IP6K3: variants seen among roughly 807,000 people sequenced by gnomAD.
IP6K3 encodes the protein inositol hexakisphosphate kinase 3, also known as ATP:1D-myo-inositol-hexakisphosphate phosphotransferase.
Under a neutral mutation model 28.8 loss-of-function variants are expected in IP6K3, and 20 were observed. That is an observed-to-expected ratio of 0.70 (90% CI 0.49 to 1.01). The LOEUF is 1.01. IP6K3 is among the 50% of genes least tolerant of loss of function. IP6K3 has a pLI of 0.00. For missense variants in IP6K3, 480 were observed against 537.1 expected, an observed-to-expected ratio of 0.89 and a Z score of 1.05; for synonymous variants, 213 against 221.3, an observed-to-expected ratio of 0.96 and a Z score of 0.33.
chr6:33,723,995 G>A (rs879749038), intron 5 of IP6K3, among the ~76,000 whole-genome samples: 1 of 127,518 alleles, frequency 7.8e-6, no homozygotes, highest in Non-Finnish European at 1.7e-5. Flanking sequence ...GGGCATGGCC[G>A]GGGGGGGGTG....
Position 33,725,530 on chromosome 6 carries a change from C to A in IP6K3, c.676G>T (p.Asp226Tyr), listed in dbSNP as rs751301300. 2 of 1,614,184 alleles carry A rather than the reference C, an allele frequency of 1.2e-6. No homozygotes were observed. Among genetic ancestry groups the A allele is most frequent in the Admixed American group, 1.7e-5 (1 of 60,034 alleles). ...LKMGTRQHGD[D>Y]ASEEKKARHM... ...CGGGCCTTCTTCTCCTCCGATGCAT[C>A]ATCGCCGTGCTGCCGGGTCCCCATC... is the stretch of plus-strand genomic sequence containing the variant. The change falls in exon 5 of 6, where the codon GAT (aspartate) becomes TAT (tyrosine). Residue 226 changes from aspartate to tyrosine, a missense_variant. By Grantham distance (160) the Asp-to-Tyr change is radical (BLOSUM62 -3). Coordinates refer to ENST00000293756, the MANE Select transcript of IP6K3 (RefSeq NM_054111.5).
the IP6K3 span, among the ~76,000 whole-genome samples, chr6:33,762,010 G>A: frequency 6.6e-6 from 1 of 152,120 alleles, no homozygotes; most frequent in Non-Finnish European, 1.5e-5. Flanking sequence ...GGCACAGAGA[G>A]CCTGGTCAGC....
Position 33,744,144 on chromosome 6 carries a change from G to T in IP6K3, c.-180+2614C>A, listed in dbSNP as rs565399517. Among the ~76,000 whole-genome samples, 7 of 152,102 alleles carry T rather than the reference G, an allele frequency of 4.6e-5. No individual in the cohort carries two copies. The highest frequency in any genetic ancestry group is 7.4e-5 in the Non-Finnish European group (5 of 68,018). On this transcript the variant is annotated intron_variant, in intron 1 of 5. Transcript: ENST00000293756. The surrounding 1 kb of genome is among the most constrained non-coding windows in gnomAD (Gnocchi z 4.4). ...CTAATAGATCCTGACCCCTGGACAC[G>T]CAGCTCCTCAGCCATGGTTAGCAAC...
chr6:33,732,277 C>T (rs1347364095), intron 2 of IP6K3, among the ~76,000 whole-genome samples: 1 of 152,222 alleles, frequency 6.6e-6, no homozygotes, highest in Non-Finnish European at 1.5e-5. Context: ...TGCCCATCAT[C>T]CTCCCTGATG....
chr6:33,725,489 A>G lies in IP6K3; in HGVS notation c.717T>C (p.Cys239=), dbSNP rs199783262. 1 of 1,613,684 alleles carries G rather than the reference A, an allele frequency of 6.2e-7. No individual in the cohort carries two copies. The highest frequency in any genetic ancestry group is 2.2e-5 in the East Asian group (1 of 44,876). ...EEKKARHMRK[C]AQSTSACLGV... is the part of the protein sequence containing the mutation. ...CCAGGCAGGCTGAGGTGCTCTGCGC[A>G]CACTTCCTCATGTGGCGGGCCTTCT... is the stretch of plus-strand genomic sequence containing the variant. Residue 239 remains cysteine (C), a synonymous_variant, in exon 5 of 6, where the codon TGT becomes TGC. Transcript: ENST00000293756.
chr6:33,761,504 C>T, the IP6K3 span, among the ~76,000 whole-genome samples: 12 of 152,244 alleles, frequency 7.9e-5, no homozygotes, highest in East Asian at 9.7e-4. Context: ...CCACCTCAGT[C>T]GCTGGGGATG....
At chr6:33,743,104 C>T (rs1353743167) in intron 1 of IP6K3, among the ~76,000 whole-genome samples, 1 of 152,176 alleles carries the variant, frequency 6.6e-6, no homozygotes, top group Non-Finnish European at 1.5e-5. Context: ...GAGAGTGAGC[C>T]CAGCCTGGCC....
chr6:33,752,318 A>G, the IP6K3 span, among the ~76,000 whole-genome samples: 1 of 152,212 alleles, frequency 6.6e-6, no homozygotes, highest in Non-Finnish European at 1.5e-5. Flanking sequence ...TGGTCCTTGG[A>G]GAACTTTGCT....
At chr6:33,759,837 A>T in the IP6K3 span, among the ~76,000 whole-genome samples, 1 of 151,242 alleles carries the variant, frequency 6.6e-6, no homozygotes, top group Non-Finnish European at 1.5e-5. Flanking sequence ...TGCGCCACTG[A>T]ACTCCAGACT....
Position 33,735,080 on chromosome 6 carries a change from G to A in IP6K3, c.199+198C>T, listed in dbSNP as rs146807833. ...GAGCTAATTTATAAGGAAACCAAACGGCATTACACTCCAGACCTGGAGGCT... is the reference window on the plus strand; with the variant it reads ...GAGCTAATTTATAAGGAAACCAAACAGCATTACACTCCAGACCTGGAGGCT... On this transcript the variant is annotated intron_variant, in intron 2 of 5. Coordinates refer to ENST00000293756, the MANE Select transcript of IP6K3 (RefSeq NM_054111.5). 1.3e-3 allele frequency among the ~76,000 whole-genome samples: 198 copies of A among 152,296 alleles called. 3 individuals carry two copies. In the South Asian group the frequency reaches 0.02, roughly 16 times the overall value.
the IP6K3 span, among the ~76,000 whole-genome samples, chr6:33,760,670 G>A: frequency 2.0e-5 from 3 of 152,208 alleles, no homozygotes; most frequent in Admixed American, 2.0e-4. Flanking sequence ...TGGGACTACA[G>A]GTGCCCACCA....
chr6:33,737,423 G>A lies in IP6K3; in HGVS notation c.-179-1768C>T, dbSNP rs146728211. Reference sequence around the variant, plus strand: ...TACTCGCTCCCTCTGCTGGACTCCTGGTCATGGATGCCACCAGGCTGGGCA... The same window carrying A: ...TACTCGCTCCCTCTGCTGGACTCCTAGTCATGGATGCCACCAGGCTGGGCA... On this transcript the variant is annotated intron_variant, in intron 1 of 5. Transcript: ENST00000293756. Among the ~76,000 whole-genome samples the A allele has an allele frequency of 2.1e-3, 315 of 152,308 alleles. 1 individual carries two copies. Among genetic ancestry groups the A allele is most frequent in the African/African-American group, 7.1e-3 (295 of 41,572 alleles).
the IP6K3 span, among the ~76,000 whole-genome samples, chr6:33,757,440 G>A: frequency 1.3e-5 from 2 of 152,214 alleles, no homozygotes; most frequent in African/African-American, 4.8e-5. Context: ...AACATGGGAT[G>A]CTGAGTTAAT....
At position 33,725,513 on chromosome 6, in the gene IP6K3, C is replaced by A. The variant is rs561213257; in HGVS notation, c.693G>T (p.Lys231Asn). 1.1e-5 allele frequency: 17 copies of A among 1,614,054 alleles called. No homozygotes were observed. In the African/African-American group the frequency reaches 1.9e-4, roughly 18 times the overall value. ...CACACTTCCTCATGTGGCGGGCCTT[C>A]TTCTCCTCCGATGCATCATCGCCGT... ...RQHGDDASEE[K>N]KARHMRKCAQ... The change falls in exon 5 of 6, where the codon AAG becomes AAT. Residue 231 changes from lysine (K) to asparagine (N), a missense_variant. Lys to Asn is a moderately conservative substitution (Grantham distance 94). Transcript: ENST00000293756.
At chr6:33,736,931 G>A (rs1582218455) in intron 1 of IP6K3, among the ~76,000 whole-genome samples, 1 of 151,906 alleles carries the variant, frequency 6.6e-6, no homozygotes. Flanking sequence ...AGAGCAAAGC[G>A]TTCAGTAAAT....
intron 4 of IP6K3, 43 bp downstream of exon 4, chr6:33,726,688 G>A (rs368655156): frequency 7.1e-5 from 108 of 1,513,196 alleles, no homozygotes; most frequent in African/African-American, 9.6e-5. Context: ...TCTCTCTGTC[G>A]CCCCGCCCTT....
Position 33,735,495 on chromosome 6 carries a change from TG to T in IP6K3, c.-20del. 1.9e-6 allele frequency: 3 copies of T among 1,603,690 alleles called. No homozygotes were observed. The highest frequency in any genetic ancestry group is 1.7e-6 in the Non-Finnish European group (2 of 1,179,090). ...CAACCATGGCGGCAGATGGTGGTGG[TG>T]GGGGGTCCCTGCACAGTCTGCTAGA... On this transcript the variant is annotated 5_prime_UTR_variant, in exon 2 of 6. Coordinates refer to ENST00000293756, the MANE Select transcript of IP6K3 (RefSeq NM_054111.5).
intron 1 of IP6K3, among the ~76,000 whole-genome samples, chr6:33,739,529 C>T (rs1337514318): frequency 6.6e-6 from 1 of 152,200 alleles, no homozygotes; most frequent in Non-Finnish European, 1.5e-5. Flanking sequence ...CCCCTTGGCA[C>T]TGATGCTGAC....
intron 2 of IP6K3, among the ~76,000 whole-genome samples, chr6:33,734,218 A>C (rs1203573398): frequency 6.6e-6 from 1 of 151,792 alleles, no homozygotes; most frequent in East Asian, 1.9e-4. Context: ...AAAAAAAAAA[A>C]AAAAAAAGAG....
Sources: allele counts gnomAD v4.1 joint callset (sites outside exome capture counted in the v4.1 genomes callset), GRCh38; gene constraint gnomAD v4.1.1; non-coding constraint Gnocchi (gnomAD v3.1); transcripts MANE v1.5; gene names NCBI Gene and HGNC (gene_info 2026-07-23, HGNC 2026-07-21).